The following USP31 variants were observed in gnomAD, a reference collection of about 807,000 sequenced individuals.
USP31 encodes the protein ubiquitin specific peptidase 31, also known as ubiquitin carboxyl-terminal hydrolase 31.
USP31 carries 44 observed loss-of-function variants against 119.4 expected under a neutral mutation model. The observed-to-expected ratio is 0.37, with a 90% CI of 0.29 to 0.47. The LOEUF is 0.47. USP31 is among the 20% of genes least tolerant of loss of function. USP31 has a pLI of 0.99. For missense variants in USP31, 1,643 were observed against 1,730.2 expected, an observed-to-expected ratio of 0.95 and a Z score of 0.89; for synonymous variants, 749 against 705.6, an observed-to-expected ratio of 1.06 and a Z score of -0.97.
rs1328565161 is a variant in USP31, at chr16:23,067,801, T to G, written c.*245A>C. 9.2e-6 allele frequency: 4 copies of G among 434,952 alleles called. No individual in the cohort carries two copies. Among genetic ancestry groups the G allele is most frequent in the Non-Finnish European group, 1.6e-5 (4 of 248,568 alleles). The allele number at this position is 434,952 out of a possible 1,614,324, so 26.9% of individuals were successfully genotyped here. On this transcript the variant is annotated 3_prime_UTR_variant, in exon 16 of 16. Transcript: ENST00000219689. Reference sequence around the variant, plus strand: ...CGTCCTGGGTATCGTCTACAATTATTCCAGTTAGCTTGGTGTCAATGTTTT... The same window carrying G: ...CGTCCTGGGTATCGTCTACAATTATGCCAGTTAGCTTGGTGTCAATGTTTT...
In USP31 at chr16:23,068,570, G is replaced by C. The variant is rs200327423; in HGVS notation, c.3535C>G (p.Pro1179Ala). The change falls in exon 16 of 16, where the codon CCT (proline) becomes GCT (alanine). Residue 1179 changes from proline (P) to alanine (A), a missense_variant. Physicochemically the swap from Pro to Ala is conservative, Grantham distance 27 (BLOSUM62 -1). Coordinates refer to ENST00000219689, the MANE Select transcript of USP31 (RefSeq NM_020718.4). ...SATSTSKPNSPRVSQARAGEG... is the reference protein window; with the variant it reads ...SATSTSKPNSARVSQARAGEG... ...CCTGCTCGGGCCTGGCTCACCCGAG[G>C]GGAATTGGGTTTGGAGGTGGAGGTG... The C allele has an allele frequency of 7.6e-5, 123 of 1,614,144 alleles. No homozygotes were observed. Among genetic ancestry groups the C allele is most frequent in the Admixed American group, 2.3e-4 (14 of 60,028 alleles).
intron 15 of USP31, 29 bp from the exon 16 acceptor site, chr16:23,069,645 G>C: frequency 6.4e-7 from 1 of 1,563,244 alleles, no homozygotes; most frequent in African/African-American, 1.4e-5. Flanking sequence ...ATACTGTTAA[G>C]TTAAGCCAAT....
At chr16:23,076,985 C>G (rs180765065) in intron 13 of USP31, among the ~76,000 whole-genome samples, 1 of 152,162 alleles carries the variant, frequency 6.6e-6, no homozygotes, top group African/African-American at 2.4e-5. Flanking sequence ...CAACAAGACA[C>G]AATATTTGTA....
chr16:23,118,693 C>T (rs1200641353), intron 1 of USP31, among the ~76,000 whole-genome samples: 2 of 152,170 alleles, frequency 1.3e-5, no homozygotes, highest in African/African-American at 4.8e-5. Context: ...ATATTACTTC[C>T]CCAATACCTA....
chr16:23,085,736 T>C lies in USP31; in HGVS notation c.1623-74A>G, dbSNP rs184042367. On this transcript the variant is annotated intron_variant, in intron 9 of 15. Coordinates refer to ENST00000219689, the MANE Select transcript of USP31 (RefSeq NM_020718.4). ...CAAATGATTTTACTTAATGTGATTA[T>C]GTCCTACCCAAAATCATAATTTCAG... 2.7e-5 allele frequency: 33 copies of C among 1,227,272 alleles called. No individual in the cohort carries two copies. In the African/African-American group the frequency reaches 4.6e-4, roughly 17 times the overall value. The allele number at this position is 1,227,272 out of a possible 1,614,324, so 76.0% of individuals were successfully genotyped here. A position where few individuals can be genotyped will look rare whatever the true frequency, so the allele number is the denominator to read the frequency against.
intron 1 of USP31, chr16:23,115,949 G>A (rs1338901840): frequency 4.7e-6 from 1 of 212,140 alleles, no homozygotes; most frequent in Non-Finnish European, 8.1e-6. Flanking sequence ...AGGCTCCAGG[G>A]AAAAGATACT....
intron 7 of USP31, among the ~76,000 whole-genome samples, chr16:23,088,618 A>C (rs74683538): frequency 0.06 from 9,146 of 152,200 alleles, 377 homozygotes; most frequent in Non-Finnish European, 0.08. Context: ...CCCTCTGCTT[A>C]AAATACCCTC....
chr16:23,095,252 T>C (rs943938298), intron 6 of USP31, among the ~76,000 whole-genome samples: 2 of 152,078 alleles, frequency 1.3e-5, no homozygotes. Context: ...TATCAGTGAC[T>C]GAAGCTCAAA....
intron 8 of USP31, 72 bp downstream of exon 8, chr16:23,087,652 T>A: frequency 7.2e-7 from 1 of 1,388,376 alleles, no homozygotes; most frequent in Non-Finnish European, 1.0e-6. Context: ...GAAACTCAAA[T>A]TTCATTGTAA....
At chr16:23,116,841 A>G (rs1239154147) in intron 1 of USP31, among the ~76,000 whole-genome samples, 2 of 152,214 alleles carry the variant, frequency 1.3e-5, no homozygotes, top group African/African-American at 2.4e-5. Flanking sequence ...CAGGATGGAA[A>G]GACAACCTGA....
chr16:23,111,454 A>G (rs148230966), intron 1 of USP31, among the ~76,000 whole-genome samples: 3 of 152,358 alleles, frequency 2.0e-5, no homozygotes, highest in Admixed American at 1.3e-4. Context: ...GAAGTCCAGG[A>G]AAGAGTTCGC....
chr16:23,112,022 A>G (rs1280202800), intron 1 of USP31, among the ~76,000 whole-genome samples: 1 of 152,148 alleles, frequency 6.6e-6, no homozygotes, highest in Non-Finnish European at 1.5e-5. Context: ...ATTCGGGAGG[A>G]AAAAAACAAA....
intron 1 of USP31, among the ~76,000 whole-genome samples, chr16:23,123,586 A>G (rs1244369660): frequency 6.6e-6 from 1 of 152,162 alleles, no homozygotes; most frequent in Non-Finnish European, 1.5e-5. Flanking sequence ...GTTGACATTA[A>G]AAAGGAAAAA....
intron 1 of USP31, among the ~76,000 whole-genome samples, chr16:23,136,531 G>A (rs1458253458): frequency 6.6e-6 from 1 of 152,008 alleles, no homozygotes; most frequent in Non-Finnish European, 1.5e-5. Context: ...GTGGGCGCCT[G>A]TAATCCCAGT....
chr16:23,149,410 C>T lies in USP31; in HGVS notation c.-140G>A. 4.1e-6 allele frequency: 4 copies of T among 964,124 alleles called. No individual in the cohort carries two copies. The highest frequency in any genetic ancestry group is 4.9e-6 in the Non-Finnish European group (4 of 811,994). 59.7% of individuals were successfully genotyped at this position (964,124 alleles called of 1,614,324 possible). A position where few individuals can be genotyped will look rare whatever the true frequency, so the allele number is the denominator to read the frequency against. On this transcript the variant is annotated 5_prime_UTR_variant, in exon 1 of 16. Coordinates refer to ENST00000219689, the MANE Select transcript of USP31 (RefSeq NM_020718.4). ...CACACACCTCAAAGCGCAGCCGAGC[C>T]AGCGAGCGAGCGGCGGCCGGCGGGG...
At chr16:23,073,266 G>C (rs1234581852) in intron 14 of USP31, among the ~76,000 whole-genome samples, 1 of 152,060 alleles carries the variant, frequency 6.6e-6, no homozygotes, top group Non-Finnish European at 1.5e-5. Flanking sequence ...TATTTCTAAT[G>C]GTCCTTTACC....
At chr16:23,138,396 C>T (rs1398231475) in intron 1 of USP31, among the ~76,000 whole-genome samples, 1 of 152,174 alleles carries the variant, frequency 6.6e-6, no homozygotes, top group Non-Finnish European at 1.5e-5. Flanking sequence ...AAGATACATA[C>T]TGTTTGTCCT....
intron 1 of USP31, among the ~76,000 whole-genome samples, chr16:23,123,886 G>A (rs1902761961): frequency 6.6e-6 from 1 of 152,008 alleles, no homozygotes. Context: ...TGTGGTCCCA[G>A]CTACCAGAGA....
intron 1 of USP31, among the ~76,000 whole-genome samples, chr16:23,134,984 T>A (rs1322661665): frequency 6.6e-6 from 1 of 151,818 alleles, no homozygotes; most frequent in Non-Finnish European, 1.5e-5. Context: ...ATAGACATCA[T>A]AACCAAATGG....
Sources: gnomAD v4.1 joint callset for allele counts (sites outside exome capture counted in the v4.1 genomes callset) on GRCh38, gnomAD v4.1.1 for gene constraint, MANE v1.5 for transcripts, NCBI Gene and HGNC (gene_info 2026-07-23, HGNC 2026-07-21) for gene names.